Variants in KCNIP3 observed in about 807,000 individuals in gnomAD.
The protein encoded by KCNIP3 is calsenilin.
A neutral mutation model predicts 35.0 loss-of-function variants in KCNIP3; 28 were observed. The ratio of observed to expected loss-of-function variants is 0.80; its 90% CI spans 0.59 to 1.10. The LOEUF is 1.10. KCNIP3 is among the 50% of genes least tolerant of loss of function. The pLI, the probability that KCNIP3 is intolerant of heterozygous loss-of-function variation, is 0.00. For missense variants in KCNIP3, 295 were observed against 338.4 expected, an observed-to-expected ratio of 0.87 and a Z score of 1.01; for synonymous variants, 134 against 133.8, an observed-to-expected ratio of 1.00 and a Z score of -0.01.
intron 2 of KCNIP3, 23 bp from the exon 3 acceptor site, chr2:95,374,273 C>A: frequency 6.2e-7 from 1 of 1,611,984 alleles, no homozygotes; most frequent in African/African-American, 1.3e-5. Flanking sequence ...GCCTTACACT[C>A]TCTGGTCTGT....
At chr2:95,362,100 C>T (rs1679811531) in intron 2 of KCNIP3, among the ~76,000 whole-genome samples, 1 of 151,706 alleles carries the variant, frequency 6.6e-6, no homozygotes, top group Non-Finnish European at 1.5e-5. Context: ...GTCTCTCCTA[C>T]CCTTTTTTTT....
chr2:95,346,821 C>G, intron 2 of KCNIP3: 1 of 203,826 alleles, frequency 4.9e-6, no homozygotes, highest in Non-Finnish European at 9.7e-6. Flanking sequence ...GTCCAGCCTC[C>G]GGCCTGACCC....
intron 2 of KCNIP3, among the ~76,000 whole-genome samples, chr2:95,352,857 C>G (rs1679562416): frequency 6.6e-6 from 1 of 152,204 alleles, no homozygotes; most frequent in Admixed American, 6.5e-5. Flanking sequence ...AGGAGGGAGA[C>G]AGGAAGGCCA....
Position 95,384,149 on chromosome 2 carries a change from G to A in KCNIP3, c.*100G>A. 1.2e-6 allele frequency: 1 copy of A among 856,248 alleles called. No individual in the cohort carries two copies. Among genetic ancestry groups the A allele is most frequent in the Non-Finnish European group, 2.0e-6 (1 of 509,614 alleles). 53.0% of individuals were successfully genotyped at this position (856,248 alleles called of 1,614,324 possible). A position where few individuals can be genotyped will look rare whatever the true frequency, so the allele number is the denominator to read the frequency against. On this transcript the variant is annotated 3_prime_UTR_variant, in exon 9 of 9. Coordinates refer to ENST00000295225, the MANE Select transcript of KCNIP3 (RefSeq NM_013434.5). ...CAAGAAACTTTTAAAAAATAGATTT[G>A]CAAAAAGTGAACAGATTGCTACACA... is the stretch of plus-strand genomic sequence containing the variant.
intron 2 of KCNIP3, among the ~76,000 whole-genome samples, chr2:95,338,242 C>T (rs1266754048): frequency 1.3e-5 from 2 of 152,190 alleles, no homozygotes; most frequent in African/African-American, 4.8e-5. Context: ...CTCTTAGGCT[C>T]AGTTTCTCCA....
chr2:95,376,855 A>G lies in KCNIP3; in HGVS notation c.447+1647A>G, dbSNP rs901854492. 1.3e-5 allele frequency among the ~76,000 whole-genome samples: 2 copies of G among 152,212 alleles called. No homozygotes were observed. The highest frequency in any genetic ancestry group is 2.4e-5 in the African/African-American group (1 of 41,454). Reference sequence around the variant, plus strand: ...GCCTCCTACGTGCGTCTGTAATGCAAGGCAACCCTGCATGACACTGTCTGC... The same window carrying G: ...GCCTCCTACGTGCGTCTGTAATGCAGGGCAACCCTGCATGACACTGTCTGC... On this transcript the variant is annotated intron_variant, in intron 5 of 8. Coordinates refer to ENST00000295225, the MANE Select transcript of KCNIP3 (RefSeq NM_013434.5). The surrounding 1 kb of genome is among the most constrained non-coding windows in gnomAD (Gnocchi z 4.2).
In KCNIP3 at chr2:95,378,865, TAC is replaced by T. The variant is rs759775327; in HGVS notation, c.448-2719_448-2718del. ...ATATACACATATATATACACATATA[TAC>T]ACACACACACATATATATACACACA... On this transcript the variant is annotated intron_variant, in intron 5 of 8. Transcript: ENST00000295225. This position sits in a 1 kb window ranked among gnomAD's most constrained non-coding sequence, Gnocchi z 4.0. Among the ~76,000 whole-genome samples, 25 of 148,694 alleles carry T rather than the reference TAC, an allele frequency of 1.7e-4. No individual in the cohort carries two copies. The highest frequency in any genetic ancestry group is 2.3e-4 in the African/African-American group (9 of 39,794).
chr2:95,319,786 G>A (rs1558761635), intron 2 of KCNIP3, among the ~76,000 whole-genome samples: 1 of 152,210 alleles, frequency 6.6e-6, no homozygotes, highest in Non-Finnish European at 1.5e-5. Context: ...TGGGCTCATG[G>A]TGCTCCCTCT....
intron 2 of KCNIP3, among the ~76,000 whole-genome samples, chr2:95,364,742 C>T (rs868517848): frequency 1.3e-5 from 2 of 152,258 alleles, no homozygotes; most frequent in South Asian, 2.1e-4. Flanking sequence ...CCCTCCATCA[C>T]GATTGGAAGC....
chr2:95,374,975 T>C (rs987031918), intron 4 of KCNIP3, 58 bp downstream of exon 4: 2 of 1,553,124 alleles, frequency 1.3e-6, no homozygotes, highest in African/African-American at 2.7e-5. Flanking sequence ...GGGACCCTCC[T>C]GCTGCCCCTT....
At position 95,381,629 on chromosome 2, in the gene KCNIP3, G is replaced by T. The variant is rs1347573549; in HGVS notation, c.481G>T (p.Gly161Cys). 1 of 1,614,088 alleles carries T rather than the reference G, an allele frequency of 6.2e-7. No individual in the cohort carries two copies. The change falls in exon 6 of 9, where the codon GGC becomes TGC. Residue 161 changes from glycine (G) to cysteine (C), a missense_variant. Gly to Cys is a radical substitution (Grantham distance 159). Coordinates refer to ENST00000295225, the MANE Select transcript of KCNIP3 (RefSeq NM_013434.5). ...FVVGLSILLRGTVHEKLKWAF... is the reference protein window; with the variant it reads ...FVVGLSILLRCTVHEKLKWAF... ...GGTTGGCCTCTCCATCCTGCTGCGG[G>T]GCACAGTCCACGAGAAGCTCAAGTG...
At chr2:95,351,680 C>T (rs1308293875) in intron 2 of KCNIP3, among the ~76,000 whole-genome samples, 2 of 152,200 alleles carry the variant, frequency 1.3e-5, no homozygotes, top group Non-Finnish European at 2.9e-5. Context: ...TCGTATAGCT[C>T]TGTGGCTCAG....
rs1241947318 is a variant in KCNIP3 at position 95,378,580 on chromosome 2, CAA to C, written c.448-3001_448-3000del. On this transcript the variant is annotated intron_variant, in intron 5 of 8. Coordinates refer to ENST00000295225, the MANE Select transcript of KCNIP3 (RefSeq NM_013434.5). The surrounding 1 kb of genome is among the most constrained non-coding windows in gnomAD (Gnocchi z 4.0). ...CGAAACCCCGTCTCTACTAAAAATA[CAA>C]AAAAAAAAAAAAAATTAGCTGGGCA... Among the ~76,000 whole-genome samples the C allele has an allele frequency of 3.6e-4, 40 of 110,222 alleles. No individual in the cohort carries two copies. Among genetic ancestry groups the C allele is most frequent in the Middle Eastern group, 9.5e-3 (2 of 210 alleles). The allele number at this position is 110,222 out of a possible 152,430, so 72.3% of individuals were successfully genotyped here.
At chr2:95,380,986 G>A (rs1417432212) in intron 5 of KCNIP3, among the ~76,000 whole-genome samples, 1 of 152,206 alleles carries the variant, frequency 6.6e-6, no homozygotes, top group Non-Finnish European at 1.5e-5. Flanking sequence ...GACAGTCTGA[G>A]ACTCTGTCTC....
intron 2 of KCNIP3, among the ~76,000 whole-genome samples, chr2:95,349,087 A>ACC (rs3836205): frequency 8.6e-5 from 12 of 139,346 alleles, no homozygotes; most frequent in South Asian, 4.6e-4. Context: ...TCACTCAGAC[A>ACC]CCCCCCCCCG....
rs1167952225 is a variant in KCNIP3, at chr2:95,377,885, A to C, written c.447+2677A>C. ...CTGAACATGAGGGCTTCTCCGCAGC[A>C]GACAGACAGACCACCTGAGGGGCCC... On this transcript the variant is annotated intron_variant, in intron 5 of 8. Transcript: ENST00000295225. This position sits in a 1 kb window ranked among gnomAD's most constrained non-coding sequence, Gnocchi z 4.7. Among the ~76,000 whole-genome samples, 1 of 152,180 alleles carries C rather than the reference A, an allele frequency of 6.6e-6. No individual in the cohort carries two copies. The highest frequency in any genetic ancestry group is 1.5e-5 in the Non-Finnish European group (1 of 68,022).
At chr2:95,334,917 A>G (rs1166629886) in intron 2 of KCNIP3, among the ~76,000 whole-genome samples, 7 of 152,206 alleles carry the variant, frequency 4.6e-5, no homozygotes, top group African/African-American at 9.7e-5. Context: ...TCCCCTGACC[A>G]AGGGGGAATC....
intron 2 of KCNIP3, among the ~76,000 whole-genome samples, chr2:95,321,708 G>C (rs1310767799): frequency 1.3e-5 from 2 of 152,182 alleles, no homozygotes. Context: ...AGACAGGACT[G>C]CTCAGTTAAA....
At chr2:95,326,649 G>T (rs1051260890) in intron 2 of KCNIP3, among the ~76,000 whole-genome samples, 5 of 152,210 alleles carry the variant, frequency 3.3e-5, no homozygotes, top group African/African-American at 1.2e-4. Context: ...CTTGTTCCCC[G>T]GTCTCCCCAG....
Sources: gnomAD v4.1 joint callset for allele counts (sites outside exome capture counted in the v4.1 genomes callset) on GRCh38, gnomAD v4.1.1 for gene constraint, Gnocchi (gnomAD v3.1) non-coding constraint, MANE v1.5 for transcripts, NCBI Gene and HGNC (gene_info 2026-07-23, HGNC 2026-07-21) for gene names.